The following LHFPL3 variants were observed in gnomAD, a reference collection of about 807,000 sequenced individuals.
LHFPL3 encodes LHFPL tetraspan subfamily member 3.
LHFPL3 carries 5 observed loss-of-function variants against 19.3 expected under a neutral mutation model. That is an observed-to-expected ratio of 0.26 (90% CI 0.14 to 0.54). The LOEUF is 0.54. LHFPL3 is among the 20% of genes least tolerant of loss of function. The probability of loss-of-function intolerance (pLI) is 0.94; values close to 1 mark genes in which losing one functional copy is unlikely to be tolerated. For synonymous variants in LHFPL3, 133 were observed against 126.2 expected (o/e 1.05, Z -0.36); for missense variants, 249 against 307.4 (o/e 0.81, Z 1.42).
chr7:104,329,447 C>T (rs979055888), intron 1 of LHFPL3, among the ~76,000 whole-genome samples: 8 of 152,252 alleles, frequency 5.3e-5, no homozygotes, highest in African/African-American at 1.9e-4. Flanking sequence ...GTGAGCCTCC[C>T]AAGTGTGGGG....
intron 1 of LHFPL3, among the ~76,000 whole-genome samples, chr7:104,673,217 C>T (rs140282098): frequency 4.1e-4 from 63 of 152,172 alleles, no homozygotes; most frequent in African/African-American, 1.4e-3. Context: ...ATGCAAAGTA[C>T]GAAAAGAGTT....
chr7:104,861,377 G>C (rs1191622941), intron 2 of LHFPL3, among the ~76,000 whole-genome samples: 1 of 152,056 alleles, frequency 6.6e-6, no homozygotes, highest in Non-Finnish European at 1.5e-5. Context: ...TTTACCTCAG[G>C]GAGTTTTTGT....
intron 2 of LHFPL3, among the ~76,000 whole-genome samples, chr7:104,837,790 C>A (rs1791126097): frequency 6.6e-6 from 1 of 152,118 alleles, no homozygotes; most frequent in Non-Finnish European, 1.5e-5. Context: ...AAAGCCCACA[C>A]AGGAATTTAG....
intron 1 of LHFPL3, among the ~76,000 whole-genome samples, chr7:104,474,654 A>G (rs983011984): frequency 6.7e-6 from 1 of 148,492 alleles, no homozygotes; most frequent in Non-Finnish European, 1.5e-5. Context: ...GCGACAGAGC[A>G]AGACTCCATC....
intron 1 of LHFPL3, among the ~76,000 whole-genome samples, chr7:104,524,454 C>T: frequency 6.6e-6 from 1 of 152,172 alleles, no homozygotes; most frequent in South Asian, 2.1e-4. Flanking sequence ...CTGGTACTAA[C>T]ATCAGTGAAA....
At chr7:104,440,045 G>GGGT (rs1562898089) in intron 1 of LHFPL3, among the ~76,000 whole-genome samples, 10 of 139,416 alleles carry the variant, frequency 7.2e-5, no homozygotes, top group Non-Finnish European at 1.5e-4. Context: ...TGGGGGGGGG[G>GGGT]AGGGATAGCA....
intron 1 of LHFPL3, among the ~76,000 whole-genome samples, chr7:104,368,176 C>A (rs1328927970): frequency 6.6e-6 from 1 of 152,190 alleles, no homozygotes; most frequent in African/African-American, 2.4e-5. Flanking sequence ...GAATTAGGAG[C>A]CCTTGCCAGG....
intron 1 of LHFPL3, among the ~76,000 whole-genome samples, chr7:104,483,826 A>G (rs1793185124): frequency 6.6e-6 from 1 of 152,072 alleles, no homozygotes; most frequent in Non-Finnish European, 1.5e-5. Flanking sequence ...GAGTCTCACT[A>G]TGTTACTCAG....
At chr7:104,696,981 G>A (rs1368602627) in intron 1 of LHFPL3, among the ~76,000 whole-genome samples, 1 of 152,136 alleles carries the variant, frequency 6.6e-6, no homozygotes, top group Non-Finnish European at 1.5e-5. Flanking sequence ...CAAGATACAG[G>A]CAGATTTAGT....
chr7:104,707,970 T>C (rs1793222916), intron 1 of LHFPL3, among the ~76,000 whole-genome samples: 1 of 152,138 alleles, frequency 6.6e-6, no homozygotes, highest in Non-Finnish European at 1.5e-5. Flanking sequence ...AAGAGGTACA[T>C]CAGAGAGGCC....
At chr7:104,824,876 TTA>T (rs1198677021) in intron 2 of LHFPL3, among the ~76,000 whole-genome samples, 4 of 134,684 alleles carry the variant, frequency 3.0e-5, no homozygotes, top group East Asian at 2.0e-4. Flanking sequence ...TATCTAATAA[TTA>T]TATATATTAT....
chr7:104,576,313 A>T (rs1790338146), intron 1 of LHFPL3, among the ~76,000 whole-genome samples: 1 of 152,222 alleles, frequency 6.6e-6, no homozygotes, highest in Non-Finnish European at 1.5e-5. Context: ...TAAAGACCAA[A>T]GGGTGTTCAT....
rs66573135 is a variant in LHFPL3, at chr7:104,508,609, T to TA, written c.445+179394dup. ...ATGTACCCTAAAACTTAAAGTATAA[T>TA]AAAAAAAAATATATATATATACACA... is the stretch of plus-strand genomic sequence containing the variant. On this transcript the variant is annotated intron_variant, in intron 1 of 2. Coordinates refer to ENST00000424859, the MANE Select transcript of LHFPL3 (RefSeq NM_199000.3). Among the ~76,000 whole-genome samples the TA allele has an allele frequency of 1.3e-4, 15 of 117,620 alleles. No individual in the cohort carries two copies. The East Asian group carries it at 2.0e-3, about 16-fold the overall frequency. 77.2% of individuals were successfully genotyped at this position (117,620 alleles called of 152,430 possible).
intron 2 of LHFPL3, among the ~76,000 whole-genome samples, chr7:104,872,741 A>C (rs1791860323): frequency 6.6e-6 from 1 of 152,184 alleles, no homozygotes; most frequent in Non-Finnish European, 1.5e-5. Flanking sequence ...TGGGGACAAT[A>C]ACACACGGAG....
intron 1 of LHFPL3, among the ~76,000 whole-genome samples, chr7:104,663,222 A>T (rs1031920399): frequency 1.3e-5 from 2 of 152,218 alleles, no homozygotes; most frequent in African/African-American, 2.4e-5. Flanking sequence ...ATGGGTTTTT[A>T]AAGTAATTAT....
At chr7:104,672,584 T>A (rs756874062) in intron 1 of LHFPL3, among the ~76,000 whole-genome samples, 13 of 152,194 alleles carry the variant, frequency 8.5e-5, no homozygotes, top group Non-Finnish European at 1.6e-4. Context: ...GATGAGGGAA[T>A]TAGCATCATA....
At position 104,860,103 on chromosome 7, in the gene LHFPL3, G is replaced by T. The variant is rs75034243; in HGVS notation, c.683-46084G>T. Among the ~76,000 whole-genome samples, 948 of 151,992 alleles carry T rather than the reference G, an allele frequency of 6.2e-3. 14 individuals are homozygous for T. The highest frequency in any genetic ancestry group is 0.022 in the African/African-American group (913 of 41,404). On this transcript the variant is annotated intron_variant, in intron 2 of 2. Coordinates refer to ENST00000424859, the MANE Select transcript of LHFPL3 (RefSeq NM_199000.3). ...AAAGTACGACCCATAACCCCACTCAGTGTTGGACTGGGACTTAATTTCACT... is the reference window on the plus strand; with the variant it reads ...AAAGTACGACCCATAACCCCACTCATTGTTGGACTGGGACTTAATTTCACT...
At chr7:104,704,639 C>CT (rs58666984) in intron 1 of LHFPL3, among the ~76,000 whole-genome samples, 2 of 142,298 alleles carry the variant, frequency 1.4e-5, no homozygotes, top group African/African-American at 5.3e-5. Context: ...TTCTTTATTT[C>CT]TTTTTTTTTT....
rs71155518 is a variant in LHFPL3, at chr7:104,672,058, AGTGTGTGTGTGT to A, written c.446-64598_446-64587del. 4.7e-3 allele frequency among the ~76,000 whole-genome samples: 693 copies of A among 148,800 alleles called. 27 individuals are homozygous for A. In the East Asian group the frequency reaches 0.1, roughly 22 times the overall value. Reference sequence around the variant, plus strand: ...TCCTTCTTCAAAACTTTAACTTCCAAGTGTGTGTGTGTGTGTGTGTGTGTGTGTGTTTGCAAT... The same window carrying A: ...TCCTTCTTCAAAACTTTAACTTCCAAGTGTGTGTGTGTGTGTGTTTGCAAT... On this transcript the variant is annotated intron_variant, in intron 1 of 2. Transcript: ENST00000424859.
Sources: allele counts gnomAD v4.1 joint callset (sites outside exome capture counted in the v4.1 genomes callset), GRCh38; gene constraint gnomAD v4.1.1; transcripts MANE v1.5; gene names NCBI Gene and HGNC (gene_info 2026-07-23, HGNC 2026-07-21).